FASTKD1: variants seen among roughly 807,000 people sequenced by gnomAD.
FASTKD1 encodes FAST kinase domains 1.
Under a neutral mutation model 90.9 loss-of-function variants are expected in FASTKD1, and 94 were observed. The observed-to-expected ratio is 1.03, with a 90% CI of 0.88 to 1.23. The LOEUF (loss-of-function observed/expected upper bound fraction) is 1.23. Among genes scored for constraint, FASTKD1 ranks in the 50% most tolerant of loss-of-function variants. The pLI, the probability that FASTKD1 is intolerant of heterozygous loss-of-function variation, is 0.00. For missense variants in FASTKD1, 945 were observed against 993.5 expected (o/e 0.95, Z 0.66); for synonymous variants, 319 against 345.8 (o/e 0.92, Z 0.86).
At chr2:169,544,922 T>C in intron 8 of FASTKD1, 87 bp from the exon 9 acceptor site, 1 of 680,824 alleles carries the variant, frequency 1.5e-6, no homozygotes, top group Non-Finnish European at 2.5e-6. Flanking sequence ...GGAGAAATCT[T>C]TTCCTATCAT....
chr2:169,557,374 G>A (rs1683369899), intron 5 of FASTKD1, 77 bp from the exon 6 acceptor site: 4 of 671,278 alleles, frequency 6.0e-6, no homozygotes, highest in Non-Finnish European at 9.6e-6. Context: ...AACAGTTCTT[G>A]GGTAACAAAT....
At position 169,560,566 on chromosome 2, in the gene FASTKD1, A is replaced by G. The variant is rs760880110; in HGVS notation, c.792T>C (p.Asp264=). 64 of 1,605,800 alleles carry G rather than the reference A, an allele frequency of 4.0e-5. No individual in the cohort carries two copies. Among genetic ancestry groups the G allele is most frequent in the Non-Finnish European group, 5.2e-5 (61 of 1,176,828 alleles). ...NVFLSNVDHL[D]LDSISKILSV... is the part of the protein sequence containing the mutation. ...TAAGTATTTTACTGATGGAATCCAA[A>G]TCAAGGTGGTCCACATTACTTAAAA... The change falls in exon 5 of 15, where the codon GAT becomes GAC. Residue 264 remains aspartate (D), a synonymous_variant. Transcript: ENST00000453153.
intron 5 of FASTKD1, among the ~76,000 whole-genome samples, chr2:169,557,632 G>T (rs1029761303): frequency 6.6e-6 from 1 of 152,134 alleles, no homozygotes; most frequent in Non-Finnish European, 1.5e-5. Flanking sequence ...TTCAATACTA[G>T]AGAGCTAAGA....
intron 3 of FASTKD1, among the ~76,000 whole-genome samples, chr2:169,565,031 T>G (rs1051180348): frequency 4.7e-5 from 7 of 148,750 alleles, no homozygotes; most frequent in South Asian, 2.1e-4. Context: ...CTCGGTTCAC[T>G]GCAACCTCCG....
chr2:169,556,828 AAAAC>A (rs140987027), intron 6 of FASTKD1, among the ~76,000 whole-genome samples: 46 of 148,416 alleles, frequency 3.1e-4, no homozygotes, highest in Middle Eastern at 3.5e-3. Flanking sequence ...CTCTGTCTCA[AAAAC>A]AAACAAACAA....
Position 169,540,191 on chromosome 2 carries a change from T to C in FASTKD1, c.1817-12A>G. ...AGGATCCAATATACCTAAAAGAAAA[T>C]TAAGATTTTTTTAAAGGTATAGCTG... On this transcript the variant is annotated splice_polypyrimidine_tract_variant and intron_variant, in intron 9 of 14. Coordinates refer to ENST00000453153, the MANE Select transcript of FASTKD1 (RefSeq NM_024622.6). The C allele has an allele frequency of 6.6e-7, 1 of 1,526,196 alleles. No homozygotes were observed. The highest frequency in any genetic ancestry group is 2.3e-5 in the East Asian group (1 of 43,970). The allele number at this position is 1,526,196 out of a possible 1,614,324, so 94.5% of individuals were successfully genotyped here. A position where few individuals can be genotyped will look rare whatever the true frequency, so the allele number is the denominator to read the frequency against.
chr2:169,563,334 G>C lies in FASTKD1; in HGVS notation c.463C>G (p.Leu155Val). The C allele has an allele frequency of 6.2e-7, 1 of 1,602,030 alleles. No homozygotes were observed. Among genetic ancestry groups the C allele is most frequent in the Non-Finnish European group, 8.5e-7 (1 of 1,170,192 alleles). ...RRLERFDIKL[L>V]SEFSSCLADQ... ...GCTAGGCAAGAGGAAAATTCTGAGA[G>C]CAGTTTAATATCAAACCTATTAAAG... Residue 155 changes from leucine to valine, a missense_variant, in exon 4 of 15, where the codon CTC becomes GTC. By Grantham distance (32) the Leu-to-Val change is conservative. Coordinates refer to ENST00000453153, the MANE Select transcript of FASTKD1 (RefSeq NM_024622.6).
At position 169,560,416 on chromosome 2, in the gene FASTKD1, T is replaced by G. The variant is rs559643422; in HGVS notation, c.942A>C (p.Gly314=). The G allele has an allele frequency of 9.0e-6, 14 of 1,560,410 alleles. No homozygotes were observed. In the South Asian group the frequency reaches 1.7e-4, roughly 19 times the overall value. ...ASFVKLFVAL[G]PIAGPEEKKQ... ...TCTTTTCTTCAGGTCCTGCAATGGG[T>G]CCCAATGCTACAAACAATTTTACAA... The change falls in exon 5 of 15, where the codon GGA becomes GGC. Residue 314 remains glycine (G), a synonymous_variant. Coordinates refer to ENST00000453153, the MANE Select transcript of FASTKD1 (RefSeq NM_024622.6).
intron 1 of FASTKD1, among the ~76,000 whole-genome samples, chr2:169,572,688 T>C (rs1172676744): frequency 1.3e-5 from 2 of 152,020 alleles, no homozygotes; most frequent in African/African-American, 4.8e-5. Context: ...AAAGAAGTCA[T>C]ATAATTTAAT....
chr2:169,533,289 T>C (rs921328636), intron 12 of FASTKD1, among the ~76,000 whole-genome samples: 2 of 152,202 alleles, frequency 1.3e-5, no homozygotes, highest in African/African-American at 2.4e-5. Context: ...ATATACTTCC[T>C]GAAATGATGT....
Position 169,572,153 on chromosome 2 carries a change from G to T in FASTKD1, c.-124C>A. ...TGCTTCCATTACAATGACTGTAAACGCATTCCAATGTACAGCTTCTATAAA... is the reference window on the plus strand; with the variant it reads ...TGCTTCCATTACAATGACTGTAAACTCATTCCAATGTACAGCTTCTATAAA... On this transcript the variant is annotated 5_prime_UTR_variant, in exon 2 of 15. Coordinates refer to ENST00000453153, the MANE Select transcript of FASTKD1 (RefSeq NM_024622.6). The T allele has an allele frequency of 9.0e-7, 1 of 1,106,116 alleles. No homozygotes were observed. Among genetic ancestry groups the T allele is most frequent in the Non-Finnish European group, 1.3e-6 (1 of 799,956 alleles). The allele number at this position is 1,106,116 out of a possible 1,614,324, so 68.5% of individuals were successfully genotyped here. A position where few individuals can be genotyped will look rare whatever the true frequency, so the allele number is the denominator to read the frequency against.
chr2:169,569,159 T>C, intron 3 of FASTKD1, 25 bp downstream of exon 3: 1 of 1,603,642 alleles, frequency 6.2e-7, no homozygotes, highest in East Asian at 2.2e-5. Flanking sequence ...AACCCTGATC[T>C]TCAAGATGAA....
chr2:169,565,496 T>C (rs2105431621), intron 3 of FASTKD1, among the ~76,000 whole-genome samples: 1 of 150,860 alleles, frequency 6.6e-6, no homozygotes, highest in South Asian at 2.1e-4. Flanking sequence ...TCTCCTGACC[T>C]CATGATCCGC....
chr2:169,538,001 G>C lies in FASTKD1; in HGVS notation c.2074+12C>G, dbSNP rs766670321. The stretch of plus-strand genomic sequence containing the variant: ...ATCAAACTTTGCTATCTGACTAAAA[G>C]AAAACTCAAACCTTTATTATATTGT... On this transcript the variant is annotated intron_variant, in intron 11 of 14. Transcript: ENST00000453153. 21 of 1,583,094 alleles carry C rather than the reference G, an allele frequency of 1.3e-5. No individual in the cohort carries two copies. The South Asian group carries it at 2.5e-4, about 19-fold the overall frequency.
chr2:169,540,178 A>C lies in FASTKD1; in HGVS notation c.1818T>G (p.Gly606=), dbSNP rs1204543842. 8.4e-6 allele frequency: 13 copies of C among 1,542,784 alleles called. No individual in the cohort carries two copies. Among genetic ancestry groups the C allele is most frequent in the Non-Finnish European group, 9.7e-6 (11 of 1,131,356 alleles). Residue 606 remains glycine (G), a splice_region_variant and synonymous_variant, in exon 10 of 15, where the codon GGT becomes GGG. Coordinates refer to ENST00000453153, the MANE Select transcript of FASTKD1 (RefSeq NM_024622.6). The part of the protein sequence containing the change: ...TCVQHLNSYL[G]ILDPFILVFL... ...ACACTAATATAAAAGGATCCAATAT[A>C]CCTAAAAGAAAATTAAGATTTTTTT...
chr2:169,537,011 T>C (rs1684748188), intron 12 of FASTKD1: 5 of 317,080 alleles, frequency 1.6e-5, no homozygotes, highest in South Asian at 1.4e-4. Context: ...TTTTTTTTTT[T>C]TCTAAAGAAT....
chr2:169,553,984 A>G (rs1685618638), intron 7 of FASTKD1, among the ~76,000 whole-genome samples: 1 of 151,946 alleles, frequency 6.6e-6, no homozygotes, highest in East Asian at 1.9e-4. Flanking sequence ...TCAAGCCTGT[A>G]AAACCAGCTA....
At chr2:169,561,744 C>CATTATATTTATTAATTT (rs1683619786) in intron 4 of FASTKD1, among the ~76,000 whole-genome samples, 1 of 72,946 alleles carries the variant, frequency 1.4e-5, no homozygotes, top group Non-Finnish European at 3.1e-5. Context: ...ATTAATTATT[C>CATTATATTTATTAATTT]ATTATAAATT....
intron 1 of FASTKD1, 158 bp downstream of exon 1, chr2:169,573,511 A>G (rs1232370934): frequency 6.6e-6 from 1 of 152,276 alleles, no homozygotes; most frequent in Non-Finnish European, 1.5e-5. Flanking sequence ...AAATGAGTGA[A>G]TGAATGGGGT....
Sources: gnomAD v4.1 joint callset for allele counts (sites outside exome capture counted in the v4.1 genomes callset) on GRCh38, gnomAD v4.1.1 for gene constraint, MANE v1.5 for transcripts, NCBI Gene and HGNC (gene_info 2026-07-23, HGNC 2026-07-21) for gene names.